The following DOP1B variants were observed in gnomAD, a reference collection of about 807,000 sequenced individuals.
The protein encoded by DOP1B is protein DOP1B.
In DOP1B, 174 loss-of-function variants were observed where a neutral mutation model predicts 233.5. The ratio of observed to expected loss-of-function variants is 0.75; its 90% CI spans 0.66 to 0.85. The LOEUF (loss-of-function observed/expected upper bound fraction) is 0.85. Ranked by LOEUF, DOP1B falls within the 40% of genes least tolerant of loss-of-function variation. The pLI is 0.00. For synonymous variants in DOP1B, 1,190 were observed against 1,185.6 expected (o/e 1.00, Z -0.08); for missense variants, 2,652 against 2,846.6 (o/e 0.93, Z 1.56).
intron 7 of DOP1B, among the ~76,000 whole-genome samples, chr21:36,213,525 T>C (rs975167598): frequency 2.0e-5 from 3 of 151,732 alleles, no homozygotes; most frequent in Non-Finnish European, 2.9e-5. Flanking sequence ...GCATGGTGGC[T>C]CATGCCTGTA....
chr21:36,238,661 C>G lies in DOP1B; in HGVS notation c.2836C>G (p.Gln946Glu), dbSNP rs2066854849. ...SVIWHLTREI[Q>E]GSRVTSHNRS... ...GATCTGGCATCTGACAAGAGAGATC[C>G]AAGGCAGTCGAGTAACATCTCACAA... Residue 946 changes from glutamine (Q) to glutamate (E), a missense_variant, in exon 17 of 37, where the codon CAA becomes GAA. Physicochemically the swap from Gln to Glu is conservative, Grantham distance 29. This residue lies in a region of DOP1B where 2,617 missense variants were observed against 2,794.3 expected (regional missense o/e 0.94). Transcript: ENST00000691173. 6.2e-7 allele frequency: 1 copy of G among 1,614,078 alleles called. No individual in the cohort carries two copies. Among genetic ancestry groups the G allele is most frequent in the African/African-American group, 1.3e-5 (1 of 74,932 alleles).
intron 23 of DOP1B, among the ~76,000 whole-genome samples, chr21:36,259,650 C>T (rs754741914): frequency 1.9e-4 from 29 of 152,142 alleles, no homozygotes; most frequent in Non-Finnish European, 3.1e-4. Flanking sequence ...CAGGCTTGGT[C>T]GCCGTAGAAC....
Position 36,230,647 on chromosome 21 carries a change from G to T in DOP1B, c.1863G>T (p.Gly621=). 1 of 1,614,192 alleles carries T rather than the reference G, an allele frequency of 6.2e-7. No homozygotes were observed. The highest frequency in any genetic ancestry group is 1.1e-5 in the South Asian group (1 of 91,076). ...LERDDVWKKG[G]SMQRTFLCIQ... is the part of the protein sequence containing the mutation. The stretch of plus-strand genomic sequence containing the variant: ...GGGACGACGTTTGGAAGAAGGGCGG[G>T]AGCATGCAGAGGACGTTTCTTTGCA... Residue 621 remains glycine, a synonymous_variant, in exon 14 of 37, where the codon GGG becomes GGT. Coordinates refer to ENST00000691173, the MANE Select transcript of DOP1B (RefSeq NM_001320714.2).
chr21:36,190,147 G>T (rs565942580), intron 2 of DOP1B, among the ~76,000 whole-genome samples: 1 of 151,732 alleles, frequency 6.6e-6, no homozygotes, highest in Non-Finnish European at 1.5e-5. Context: ...GTGAAACCCC[G>T]TCTCTAATAA....
chr21:36,221,245 C>T lies in DOP1B; in HGVS notation c.1250+1753C>T, dbSNP rs554396922. 5.3e-5 allele frequency among the ~76,000 whole-genome samples: 8 copies of T among 152,214 alleles called. No homozygotes were observed. The South Asian group carries it at 1.0e-3, about 20-fold the overall frequency. ...CAGTGGCTCACGCCTGTAATTTCAG[C>T]ACTTTGGGAGGCCAAGGCAGGCGGA... is the stretch of plus-strand genomic sequence containing the variant. On this transcript the variant is annotated intron_variant, in intron 10 of 36. Transcript: ENST00000691173.
Position 36,270,158 on chromosome 21 carries a change from G to A in DOP1B, c.5632+1G>A. ...TCTGATGCTGAGGAGGACCTGTATGGTAGGTGGAGATGGGTTGGCTGATAG... is the reference window on the plus strand; with the variant it reads ...TCTGATGCTGAGGAGGACCTGTATGATAGGTGGAGATGGGTTGGCTGATAG... On this transcript the variant is annotated splice_donor_variant, in intron 27 of 36. Transcript: ENST00000691173. LOFTEE classifies it high-confidence loss of function. 1 of 1,613,652 alleles carries A rather than the reference G, an allele frequency of 6.2e-7. No individual in the cohort carries two copies. The highest frequency in any genetic ancestry group is 8.5e-7 in the Non-Finnish European group (1 of 1,179,850).
rs2066940269 is a variant in DOP1B, at chr21:36,245,120, A to T, written c.3140A>T (p.Glu1047Val). Residue 1047 changes from glutamate to valine, a missense_variant, in exon 19 of 37, where the codon GAG becomes GTG. By Grantham distance (121) the Glu-to-Val change is moderately radical. Coordinates refer to ENST00000691173, the MANE Select transcript of DOP1B (RefSeq NM_001320714.2). The surrounding 1 kb of genome is among the most constrained non-coding windows in gnomAD (Gnocchi z 5.5). Reference sequence around the variant, plus strand: ...GCATGCGCAGTGCCCGAGCCTCAGGAGAGCGGCTCTGAAGAGCACCTGCCT... The same window carrying T: ...GCATGCGCAGTGCCCGAGCCTCAGGTGAGCGGCTCTGAAGAGCACCTGCCT... ...REACAVPEPQ[E>V]SGSEEHLPLS... 12 of 1,613,610 alleles carry T rather than the reference A, an allele frequency of 7.4e-6. No homozygotes were observed. Among genetic ancestry groups the T allele is most frequent in the Non-Finnish European group, 1.0e-5 (12 of 1,179,842 alleles).
chr21:36,246,556 TC>T lies in DOP1B; in HGVS notation c.4578del (p.Leu1527CysfsTer12). ...HPAWVSLVTHSLPYFGKSLGW... is the reference protein window; with the variant it reads ...HPAWVSLVTHXLPYFGKSLGW... Reference sequence around the variant, plus strand: ...GGCCTGGGTGAGCTTGGTCACGCATTCCTTGCCCTACTTCGGAAAGTCCCTG... The same window carrying T: ...GGCCTGGGTGAGCTTGGTCACGCATTCTTGCCCTACTTCGGAAAGTCCCTG... On this transcript the variant is annotated frameshift_variant, in exon 19 of 37. Coordinates refer to ENST00000691173, the MANE Select transcript of DOP1B (RefSeq NM_001320714.2). LOFTEE classifies it high-confidence loss of function. The surrounding 1 kb of genome is among the most constrained non-coding windows in gnomAD (Gnocchi z 5.1). 1 of 1,614,158 alleles carries T rather than the reference TC, an allele frequency of 6.2e-7. No homozygotes were observed. Among genetic ancestry groups the T allele is most frequent in the South Asian group, 1.1e-5 (1 of 91,082 alleles).
At chr21:36,289,345 A>G in intron 35 of DOP1B, 139 bp downstream of exon 35, 1 of 871,694 alleles carries the variant, frequency 1.1e-6, no homozygotes, top group South Asian at 1.6e-5. Context: ...CCAGCTCGGA[A>G]TACCAAGTTT....
intron 16 of DOP1B, among the ~76,000 whole-genome samples, chr21:36,237,875 T>C (rs1011802781): frequency 2.0e-5 from 3 of 151,904 alleles, no homozygotes; most frequent in African/African-American, 7.3e-5. Context: ...CAAAAATAAA[T>C]AAATAAATAA....
intron 4 of DOP1B, among the ~76,000 whole-genome samples, chr21:36,201,435 C>T (rs1451928829): frequency 1.4e-5 from 2 of 147,520 alleles, no homozygotes; most frequent in African/African-American, 5.1e-5. Flanking sequence ...ACAACCTCCG[C>T]CTCCTGGGTT....
chr21:36,293,866 CA>C lies in DOP1B; in HGVS notation c.*296del. 2 of 302,978 alleles carry C rather than the reference CA, an allele frequency of 6.6e-6. No individual in the cohort carries two copies. Among genetic ancestry groups the C allele is most frequent in the South Asian group, 6.9e-5 (2 of 28,786 alleles). The allele number at this position is 302,978 out of a possible 1,614,324, so 18.8% of individuals were successfully genotyped here. On this transcript the variant is annotated 3_prime_UTR_variant, in exon 37 of 37. Transcript: ENST00000691173. ...GGTGTGGTGGCGGCGCCTGTAATCC[CA>C]GCTACTTGGGAGGCTAAGGCATGAG...
rs867695072 is a variant in DOP1B at position 36,293,322 on chromosome 21, A to G, written c.6648A>G (p.Glu2216=). The change falls in exon 37 of 37, where the codon GAA becomes GAG. Residue 2216 remains glutamate, a splice_region_variant and synonymous_variant. Transcript: ENST00000691173. ...TTATGGGTTTGTTTTTTCTGCAGGA[A>G]ATCAGTAGCTCTGATGAGATCACCA... ...ILELLKLKFG[E]ISSSDEITMK... 6.2e-7 allele frequency: 1 copy of G among 1,611,974 alleles called. No individual in the cohort carries two copies. Among genetic ancestry groups the G allele is most frequent in the Middle Eastern group, 1.7e-4 (1 of 6,054 alleles).
chr21:36,254,076 G>A (rs1459314172), intron 23 of DOP1B, among the ~76,000 whole-genome samples, 167 bp downstream of exon 23: 2 of 152,144 alleles, frequency 1.3e-5, no homozygotes, highest in Non-Finnish European at 2.9e-5. Context: ...CTTTGGGGGA[G>A]ACCTATGAAG....
intron 2 of DOP1B, among the ~76,000 whole-genome samples, chr21:36,193,624 C>T (rs887898663): frequency 1.3e-5 from 2 of 152,140 alleles, no homozygotes; most frequent in African/African-American, 2.4e-5. Context: ...ATTTCCTGCA[C>T]CCCATTAGTA....
At chr21:36,262,805 C>T (rs59705619) in intron 24 of DOP1B, among the ~76,000 whole-genome samples, 9,015 of 151,990 alleles carry the variant, frequency 0.059, 584 homozygotes, top group East Asian at 0.32. Flanking sequence ...GAACGAGAAT[C>T]GCTTAAACCC....
chr21:36,171,779 C>A, intron 2 of DOP1B, among the ~76,000 whole-genome samples: 1 of 152,264 alleles, frequency 6.6e-6, no homozygotes, highest in East Asian at 1.9e-4. Flanking sequence ...TGTGGCACTT[C>A]GTTATAGCAG....
At chr21:36,269,665 ATGTGCCATCAT>A (rs1341645843) in intron 26 of DOP1B, among the ~76,000 whole-genome samples, 1 of 151,886 alleles carries the variant, frequency 6.6e-6, no homozygotes, top group Non-Finnish European at 1.5e-5. Flanking sequence ...GACTACAGGC[ATGTGCCATCAT>A]GCCCAGCTAA....
At chr21:36,221,308 C>T (rs1248431111) in intron 10 of DOP1B, among the ~76,000 whole-genome samples, 1 of 151,854 alleles carries the variant, frequency 6.6e-6, no homozygotes, top group Non-Finnish European at 1.5e-5. Context: ...GCCTGGCCAA[C>T]ATGACAAAAC....
Sources: allele counts gnomAD v4.1 joint callset (sites outside exome capture counted in the v4.1 genomes callset), GRCh38; gene constraint gnomAD v4.1.1; regional missense constraint gnomAD v4.1.1; non-coding constraint Gnocchi (gnomAD v3.1); transcripts MANE v1.5; gene names NCBI Gene and HGNC (gene_info 2026-07-23, HGNC 2026-07-21).